The following ZNF507 variants were observed in gnomAD, a reference collection of about 807,000 sequenced individuals.
The protein encoded by ZNF507 is zinc finger protein 507.
In ZNF507, 29 loss-of-function variants were observed where a neutral mutation model predicts 80.0. The observed-to-expected ratio is 0.36, with a 90% CI of 0.27 to 0.49. The LOEUF (loss-of-function observed/expected upper bound fraction) is 0.49, where lower values mean the gene tolerates loss of function less well. Ranked by LOEUF, ZNF507 falls within the 20% of genes least tolerant of loss-of-function variation. The pLI is 0.98. For synonymous variants in ZNF507, 462 were observed against 422.5 expected (o/e 1.09, Z -1.15); for missense variants, 1,081 against 1,152.2 (o/e 0.94, Z 0.90).
chr19:32,348,633 G>T (rs533359928), intron 2 of ZNF507, among the ~76,000 whole-genome samples: 1 of 152,232 alleles, frequency 6.6e-6, no homozygotes, highest in African/African-American at 2.4e-5. Context: ...GAGAGAGTTG[G>T]TGGAAAGGGT....
Position 32,382,341 on chromosome 19 carries a change from C to A in ZNF507, c.2361-126C>A. On this transcript the variant is annotated intron_variant, in intron 5 of 6. Transcript: ENST00000355898. ...CTTAGAATCAGTAACATCTTAGATT[C>A]AGTGAAATACGATATGTCTAATAAG... is the stretch of plus-strand genomic sequence containing the variant. 3.4e-6 allele frequency: 4 copies of A among 1,184,764 alleles called. 1 individual carries two copies. The highest frequency in any genetic ancestry group is 4.8e-6 in the Non-Finnish European group (4 of 836,956). 73.4% of individuals were successfully genotyped at this position (1,184,764 alleles called of 1,614,324 possible). A position where few individuals can be genotyped will look rare whatever the true frequency, so the allele number is the denominator to read the frequency against.
chr19:32,359,852 A>G (rs1313174056), intron 4 of ZNF507: 2 of 152,156 alleles, frequency 1.3e-5, no homozygotes, highest in African/African-American at 4.8e-5. Context: ...TTAGTGGTAA[A>G]CAAAGAAAAT....
chr19:32,350,072 G>GAC (rs1967142300), intron 2 of ZNF507, among the ~76,000 whole-genome samples: 1 of 151,914 alleles, frequency 6.6e-6, no homozygotes, highest in Admixed American at 6.6e-5. Flanking sequence ...TGCTTCACTT[G>GAC]ACACACAATC....
intron 2 of ZNF507, among the ~76,000 whole-genome samples, chr19:32,347,693 C>G (rs1385522482): frequency 6.6e-6 from 1 of 151,984 alleles, no homozygotes; most frequent in Non-Finnish European, 1.5e-5. Flanking sequence ...AGGCATTACT[C>G]CCTAGACTTG....
intron 5 of ZNF507, among the ~76,000 whole-genome samples, chr19:32,363,400 A>G (rs1967356015): frequency 6.6e-6 from 1 of 152,070 alleles, no homozygotes; most frequent in Non-Finnish European, 1.5e-5. Flanking sequence ...TAGTGGTGAA[A>G]CCTGTTCCTT....
rs775293694 is a variant in ZNF507 at position 32,354,673 on chromosome 19, G to T, written c.1843G>T (p.Ala615Ser). 7 of 1,613,976 alleles carry T rather than the reference G, an allele frequency of 4.3e-6. No individual in the cohort carries two copies. In the Admixed American group the frequency reaches 1.0e-4, roughly 23 times the overall value. The change falls in exon 3 of 7, where the codon GCC (alanine) becomes TCC (serine). Residue 615 changes from alanine (A) to serine (S), a missense_variant. Around this residue, in one of 6 missense-constraint regions of ZNF507, gnomAD observed 614 missense variants for 583.9 expected, o/e 1.05. Transcript: ENST00000355898. ...CATTTTGAAAGAGTTGCAGGACAAC[G>T]CCCAGTGCCAACCCAACAGCGATAC... is the stretch of plus-strand genomic sequence containing the variant. ...DDILKELQDN[A>S]QCQPNSDTSL...
chr19:32,359,397 TG>T (rs1275673864), intron 4 of ZNF507: 1 of 152,216 alleles, frequency 6.6e-6, no homozygotes, highest in African/African-American at 2.4e-5. Flanking sequence ...TTTTATGCGG[TG>T]TATACAGGTG....
intron 5 of ZNF507, among the ~76,000 whole-genome samples, chr19:32,372,644 A>G (rs1161907106): frequency 1.4e-4 from 21 of 152,048 alleles, no homozygotes; most frequent in Non-Finnish European, 2.5e-4. Context: ...TCCTGGCTTC[A>G]TAACACCCCA....
At chr19:32,371,740 C>T (rs905254452) in intron 5 of ZNF507, among the ~76,000 whole-genome samples, 11 of 150,606 alleles carry the variant, frequency 7.3e-5, no homozygotes, top group South Asian at 2.1e-4. Context: ...CCCAGGTTCA[C>T]GCCATTCTCC....
chr19:32,359,398 G>T (rs1967292147), intron 4 of ZNF507: 1 of 152,168 alleles, frequency 6.6e-6, no homozygotes, highest in Admixed American at 6.5e-5. Flanking sequence ...TTTATGCGGT[G>T]TATACAGGTG....
intron 5 of ZNF507, among the ~76,000 whole-genome samples, chr19:32,372,633 G>A (rs545550062): frequency 4.6e-5 from 7 of 151,740 alleles, no homozygotes; most frequent in Admixed American, 6.6e-5. Context: ...ACTGAGGGGC[G>A]TCCTGGCTTC....
intron 5 of ZNF507, among the ~76,000 whole-genome samples, chr19:32,371,179 A>G (rs1967465371): frequency 6.6e-6 from 1 of 152,160 alleles, no homozygotes; most frequent in African/African-American, 2.4e-5. Context: ...AGAGCCTTAA[A>G]AATGGCTGTG....
At position 32,353,823 on chromosome 19, in the gene ZNF507, G is replaced by A. The variant is rs201907520; in HGVS notation, c.993G>A (p.Gln331=). 3 of 1,614,214 alleles carry A rather than the reference G, an allele frequency of 1.9e-6. No individual in the cohort carries two copies. Among genetic ancestry groups the A allele is most frequent in the Non-Finnish European group, 2.5e-6 (3 of 1,180,044 alleles). ...AAGTGCAGATTTGCAGCTCAGAACAGTTATCATCTTCATCTCCTTTAGAAC... is the reference window on the plus strand; with the variant it reads ...AAGTGCAGATTTGCAGCTCAGAACAATTATCATCTTCATCTCCTTTAGAAC... ...SVQVQICSSE[Q]LSSSSPLEQS... is the part of the protein sequence containing the mutation. The change falls in exon 3 of 7, where the codon CAG becomes CAA. Residue 331 remains glutamine (Q), a synonymous_variant. Coordinates refer to ENST00000355898, the MANE Select transcript of ZNF507 (RefSeq NM_001136156.2).
At chr19:32,349,840 T>A (rs1967139698) in intron 2 of ZNF507, among the ~76,000 whole-genome samples, 1 of 152,216 alleles carries the variant, frequency 6.6e-6, no homozygotes, top group Admixed American at 6.5e-5. Context: ...TCCTAGGTAC[T>A]CATCATGCAA....
chr19:32,360,166 A>G (rs139932315), intron 4 of ZNF507, among the ~76,000 whole-genome samples: 9 of 152,316 alleles, frequency 5.9e-5, no homozygotes, highest in East Asian at 1.9e-4. Flanking sequence ...AGTAACACCT[A>G]TTTGGTGATA....
intron 2 of ZNF507, among the ~76,000 whole-genome samples, chr19:32,349,808 A>G (rs1967139235): frequency 6.6e-6 from 1 of 151,976 alleles, no homozygotes; most frequent in African/African-American, 2.4e-5. Flanking sequence ...AAACATTTAC[A>G]TAAGTAGAAA....
intron 2 of ZNF507, among the ~76,000 whole-genome samples, chr19:32,350,541 CTT>C (rs1483537915): frequency 2.6e-5 from 4 of 152,160 alleles, no homozygotes; most frequent in African/African-American, 4.8e-5. Flanking sequence ...CTTCATTTCA[CTT>C]TCTTTTTAAG....
intron 2 of ZNF507, among the ~76,000 whole-genome samples, chr19:32,352,112 G>A (rs971669295): frequency 1.4e-4 from 21 of 145,970 alleles, no homozygotes; most frequent in Admixed American, 7.4e-4. Flanking sequence ...AGTAATAGTT[G>A]ACCACTAATA....
chr19:32,356,234 A>C (rs1020280616), intron 3 of ZNF507, among the ~76,000 whole-genome samples: 2 of 152,194 alleles, frequency 1.3e-5, no homozygotes, highest in Non-Finnish European at 2.9e-5. Flanking sequence ...AGATATTTCA[A>C]TGAAAAATTA....
Sources: allele counts gnomAD v4.1 joint callset (sites outside exome capture counted in the v4.1 genomes callset), GRCh38; gene constraint gnomAD v4.1.1; regional missense constraint gnomAD v4.1.1; transcripts MANE v1.5; gene names NCBI Gene and HGNC (gene_info 2026-07-23, HGNC 2026-07-21).